Variants in AS3MT observed in about 807,000 individuals in gnomAD.
AS3MT encodes the protein arsenite methyltransferase.
AS3MT carries 47 observed loss-of-function variants against 45.3 expected under a neutral mutation model. That is an observed-to-expected ratio of 1.04 (90% CI 0.82 to 1.32). AS3MT has a LOEUF of 1.32. Ranked by LOEUF, AS3MT falls within the 40% of genes most tolerant of loss-of-function variation. The pLI is 0.00. For synonymous variants in AS3MT, 141 were observed against 152.8 expected, an observed-to-expected ratio of 0.92 and a Z score of 0.57; for missense variants, 396 against 451.1, an observed-to-expected ratio of 0.88 and a Z score of 1.11.
intron 9 of AS3MT, 119 bp from the exon 10 acceptor site, chr10:102,890,424 CA>C: frequency 4.1e-6 from 3 of 738,054 alleles, no homozygotes; most frequent in Admixed American, 3.4e-5. Context: ...AAATTCCCAC[CA>C]ACAGTGTGTA....
intron 9 of AS3MT, among the ~76,000 whole-genome samples, chr10:102,885,831 C>T (rs1246753631): frequency 7.5e-6 from 1 of 133,246 alleles, no homozygotes; most frequent in East Asian, 2.3e-4. Flanking sequence ...GCCCGGCCCA[C>T]TAATTTTTGT....
At chr10:102,870,311 C>T (rs1844656365) in intron 3 of AS3MT, 100 bp downstream of exon 3, 1 of 1,417,380 alleles carries the variant, frequency 7.1e-7, no homozygotes, top group Non-Finnish European at 9.8e-7. Context: ...GCCACCAACC[C>T]ATCAGCTTGC....
At chr10:102,893,608 G>A (rs1845112761) in intron 10 of AS3MT, among the ~76,000 whole-genome samples, 1 of 150,724 alleles carries the variant, frequency 6.6e-6, no homozygotes, top group Non-Finnish European at 1.5e-5. Flanking sequence ...CGATTCTTCT[G>A]CCTCAGCCTC....
At chr10:102,898,960 G>A (rs914959332) in intron 10 of AS3MT, among the ~76,000 whole-genome samples, 2 of 152,174 alleles carry the variant, frequency 1.3e-5, no homozygotes, top group South Asian at 4.1e-4. Flanking sequence ...GGATGTTGGT[G>A]CAGGAAAGGA....
intron 9 of AS3MT, 100 bp from the exon 10 acceptor site, chr10:102,890,444 T>C (rs1334723873): frequency 6.5e-6 from 6 of 928,244 alleles, no homozygotes; most frequent in Non-Finnish European, 9.7e-6. Context: ...TAAGGATTAG[T>C]GCTGGTGAGG....
chr10:102,897,945 A>G (rs930459467), intron 10 of AS3MT, among the ~76,000 whole-genome samples: 1 of 152,228 alleles, frequency 6.6e-6, no homozygotes, highest in Non-Finnish European at 1.5e-5. Context: ...TTATCCCAAC[A>G]TAAGGTCTCC....
intron 10 of AS3MT, among the ~76,000 whole-genome samples, chr10:102,896,062 C>T (rs1300729041): frequency 6.6e-6 from 1 of 151,672 alleles, no homozygotes; most frequent in Non-Finnish European, 1.5e-5. Flanking sequence ...AGGCATGAGC[C>T]ACCGTGCCCG....
intron 3 of AS3MT, among the ~76,000 whole-genome samples, chr10:102,871,427 G>A (rs561938455): frequency 6.6e-6 from 1 of 151,772 alleles, no homozygotes; most frequent in East Asian, 1.9e-4. Context: ...CGCGCCTGTA[G>A]TTCCGGCTGC....
chr10:102,869,678 G>A, intron 1 of AS3MT, 85 bp downstream of exon 1: 1 of 1,368,212 alleles, frequency 7.3e-7, no homozygotes, highest in Non-Finnish European at 9.7e-7. Flanking sequence ...CGCCTCCCCC[G>A]AGCTGTGTCT....
chr10:102,873,225 T>C lies in AS3MT; in HGVS notation c.450T>C (p.Asp150=), dbSNP rs1191160691. The part of the protein sequence containing the change: ...GEAGIKNESH[D]IVVSNCVINL... ...CTGGAATCAAGAATGAGAGCCATGA[T>C]ATTGTTGTGTAGGTCTATATTCTTA... Residue 150 remains aspartate (D), a synonymous_variant, in exon 5 of 11, where the codon GAT becomes GAC. Coordinates refer to ENST00000369880, the MANE Select transcript of AS3MT (RefSeq NM_020682.4). 5.6e-6 allele frequency: 9 copies of C among 1,601,820 alleles called. No homozygotes were observed. The highest frequency in any genetic ancestry group is 7.6e-6 in the Non-Finnish European group (9 of 1,176,564).
intron 5 of AS3MT, among the ~76,000 whole-genome samples, chr10:102,874,170 T>C (rs1256688419): frequency 6.6e-6 from 1 of 151,980 alleles, no homozygotes; most frequent in Non-Finnish European, 1.5e-5. Flanking sequence ...GGAGAATCAC[T>C]TGAACCCGGG....
chr10:102,900,528 A>T, intron 10 of AS3MT, 65 bp from the exon 11 acceptor site: 1 of 1,137,550 alleles, frequency 8.8e-7, no homozygotes, highest in Non-Finnish European at 1.3e-6. Flanking sequence ...AAACAGAAAT[A>T]TTAGTGTTTG....
chr10:102,883,984 T>A (rs1402865187), intron 9 of AS3MT, among the ~76,000 whole-genome samples: 2 of 148,458 alleles, frequency 1.3e-5, no homozygotes, highest in African/African-American at 2.5e-5. Context: ...TTATTTCTTT[T>A]TTTTTTTTTT....
intron 9 of AS3MT, among the ~76,000 whole-genome samples, chr10:102,888,873 A>ATTTTTTTT (rs1416621656): frequency 1.4e-4 from 9 of 62,318 alleles, no homozygotes; most frequent in African/African-American, 4.7e-4. Context: ...ATATATATAT[A>ATTTTTTTT]TATATATATT....
chr10:102,874,473 G>A lies in AS3MT; in HGVS notation c.459-119G>A, dbSNP rs533885507. On this transcript the variant is annotated intron_variant, in intron 5 of 10. Transcript: ENST00000369880. ...GAAGGCATTAGAAAGAGAGGAGGGAGGCGGTAAGAATGGGGTAGCTTTGAC... is the reference window on the plus strand; with the variant it reads ...GAAGGCATTAGAAAGAGAGGAGGGAAGCGGTAAGAATGGGGTAGCTTTGAC... The A allele has an allele frequency of 9.3e-5, 63 of 674,792 alleles. No homozygotes were observed. In the African/African-American group the frequency reaches 1.0e-3, roughly 11 times the overall value. The allele number at this position is 674,792 out of a possible 1,614,324, so 41.8% of individuals were successfully genotyped here.
chr10:102,870,248 A>G (rs774094421), intron 3 of AS3MT, 37 bp downstream of exon 3: 3 of 1,611,328 alleles, frequency 1.9e-6, no homozygotes, highest in Non-Finnish European at 1.7e-6. Context: ...AAGACCCCAA[A>G]CAGCAGTTTT....
chr10:102,869,701 C>G lies in AS3MT; in HGVS notation c.2-104C>G, dbSNP rs914687277. The G allele has an allele frequency of 3.8e-6, 6 of 1,569,398 alleles. No individual in the cohort carries two copies. In the African/African-American group the frequency reaches 8.2e-5, roughly 21 times the overall value. On this transcript the variant is annotated intron_variant, in intron 1 of 10. Coordinates refer to ENST00000369880, the MANE Select transcript of AS3MT (RefSeq NM_020682.4). ...CCGAGCTGTGTCTCGAGACCTTTGT[C>G]CTCCCCTCACCCCTCGGCCCGCTGC...
chr10:102,888,621 A>G (rs1032391110), intron 9 of AS3MT, among the ~76,000 whole-genome samples: 2 of 151,738 alleles, frequency 1.3e-5, no homozygotes, highest in Non-Finnish European at 2.9e-5. Context: ...GGGTTTTACC[A>G]TGTTGGTCAG....
chr10:102,871,723 G>A (rs1206620280), intron 3 of AS3MT, among the ~76,000 whole-genome samples: 5 of 128,242 alleles, frequency 3.9e-5, no homozygotes, highest in African/African-American at 1.5e-4. Context: ...GCGAGACTCC[G>A]TCTCAAACAA....
Sources: gnomAD v4.1 joint callset for allele counts (sites outside exome capture counted in the v4.1 genomes callset) on GRCh38, gnomAD v4.1.1 for gene constraint, MANE v1.5 for transcripts, NCBI Gene and HGNC (gene_info 2026-07-23, HGNC 2026-07-21) for gene names.